The following RAD54L2 variants were observed in gnomAD, a reference collection of about 807,000 sequenced individuals.
RAD54L2 encodes helicase ARIP4.
A neutral mutation model predicts 138.4 loss-of-function variants in RAD54L2; 27 were observed. The observed-to-expected ratio is 0.20, with a 90% confidence interval of 0.14 to 0.27. The LOEUF (loss-of-function observed/expected upper bound fraction) is 0.27. RAD54L2 is among the 10% of genes least tolerant of loss of function. RAD54L2 has a pLI of 1.00. For missense variants in RAD54L2, 1,396 were observed against 1,890.2 expected, an observed-to-expected ratio of 0.74 and a Z score of 4.85; for synonymous variants, 644 against 723.2, an observed-to-expected ratio of 0.89 and a Z score of 1.76.
chr3:51,561,344 C>G (rs1481433705), intron 2 of RAD54L2, among the ~76,000 whole-genome samples: 1 of 152,130 alleles, frequency 6.6e-6, no homozygotes, highest in African/African-American at 2.4e-5. Flanking sequence ...CTCCTGGGTT[C>G]AAGTGATTCT....
At chr3:51,553,764 C>T (rs1015804449) in intron 2 of RAD54L2, among the ~76,000 whole-genome samples, 1 of 152,078 alleles carries the variant, frequency 6.6e-6, no homozygotes, top group Non-Finnish European at 1.5e-5. Flanking sequence ...CCCAGGAGTT[C>T]GAGTCAGCAG....
intron 3 of RAD54L2, among the ~76,000 whole-genome samples, chr3:51,601,301 T>G (rs1433001804): frequency 1.4e-5 from 2 of 139,000 alleles, no homozygotes; most frequent in Non-Finnish European, 3.1e-5. Context: ...CATGAACCAC[T>G]GCGCCCGGCT....
intron 8 of RAD54L2, 59 bp from the exon 9 acceptor site, chr3:51,633,843 T>G: frequency 6.2e-7 from 1 of 1,604,264 alleles, no homozygotes; most frequent in Non-Finnish European, 8.5e-7. Context: ...AAAAGCTTGA[T>G]GAGCTCAGCT....
At chr3:51,627,065 G>A (rs975338826) in intron 3 of RAD54L2, among the ~76,000 whole-genome samples, 1 of 152,140 alleles carries the variant, frequency 6.6e-6, no homozygotes, top group Admixed American at 6.5e-5. Context: ...ATCCCTTGAA[G>A]CGTCTAGGAT....
rs1701903413 is a variant in RAD54L2 at position 51,666,081 on chromosome 3, A to G, written c.*2661A>G. 1 of 148,948 alleles carries G rather than the reference A, an allele frequency of 6.7e-6. No homozygotes were observed. The highest frequency in any genetic ancestry group is 2.5e-5 in the African/African-American group (1 of 40,044). The allele number at this position is 148,948 out of a possible 1,614,324, so 9.2% of individuals were successfully genotyped here. ...TTCTGGGAGGCTGACCTGACTAGAGAAGGCTTTCTTTTATATGTGCAGTTT... is the reference window on the plus strand; with the variant it reads ...TTCTGGGAGGCTGACCTGACTAGAGGAGGCTTTCTTTTATATGTGCAGTTT... On this transcript the variant is annotated 3_prime_UTR_variant, in exon 23 of 23. Transcript: ENST00000684192.
In RAD54L2 at chr3:51,630,740, C is replaced by G. The variant is rs756600834; in HGVS notation, c.634C>G (p.Leu212Val). The change falls in exon 7 of 23, where the codon CTG (leucine) becomes GTG (valine). Residue 212 changes from leucine to valine, a missense_variant. Physicochemically the swap from Leu to Val is conservative, Grantham distance 32. Coordinates refer to ENST00000684192, the MANE Select transcript of RAD54L2 (RefSeq NM_015106.4). ...ACTGAGCTCTGGAGAGGAGGACACT[C>G]TGCACATTGTGGACAGCAGTGAATC... is the stretch of plus-strand genomic sequence containing the variant. ...IELSSGEEDT[L>V]HIVDSSESVS... The G allele has an allele frequency of 2.5e-6, 4 of 1,613,848 alleles. No homozygotes were observed. In the South Asian group the frequency reaches 3.3e-5, roughly 13 times the overall value.
chr3:51,609,586 G>A (rs1294754908), intron 3 of RAD54L2, among the ~76,000 whole-genome samples: 2 of 152,104 alleles, frequency 1.3e-5, no homozygotes, highest in African/African-American at 4.8e-5. Flanking sequence ...TTATTTCTTT[G>A]CCTCTTGTGC....
At chr3:51,602,215 C>G (rs566316269) in intron 3 of RAD54L2, among the ~76,000 whole-genome samples, 1 of 152,228 alleles carries the variant, frequency 6.6e-6, no homozygotes, top group East Asian at 1.9e-4. Flanking sequence ...TATGAACATT[C>G]ATGTACAAGT....
At chr3:51,621,186 A>T (rs1473722112) in intron 3 of RAD54L2, among the ~76,000 whole-genome samples, 2 of 152,236 alleles carry the variant, frequency 1.3e-5, no homozygotes, top group Non-Finnish European at 2.9e-5. Flanking sequence ...GAAGCACTTG[A>T]AAGACATGTA....
intron 2 of RAD54L2, among the ~76,000 whole-genome samples, chr3:51,582,207 C>T (rs1370808728): frequency 2.0e-5 from 3 of 152,118 alleles, no homozygotes; most frequent in Non-Finnish European, 4.4e-5. Flanking sequence ...TGTGCCTGGC[C>T]AGTAATCACC....
intron 3 of RAD54L2, among the ~76,000 whole-genome samples, chr3:51,591,922 C>T (rs1460194362): frequency 6.6e-6 from 1 of 152,002 alleles, no homozygotes; most frequent in Non-Finnish European, 1.5e-5. Context: ...TTCCCTTTTC[C>T]TTGTAAAATT....
At chr3:51,576,733 C>G (rs1424447954) in intron 2 of RAD54L2, among the ~76,000 whole-genome samples, 12 of 152,040 alleles carry the variant, frequency 7.9e-5, no homozygotes, top group Non-Finnish European at 1.8e-4. Context: ...TGATTCTTCT[C>G]TCTTTTCTTC....
At chr3:51,572,630 G>T (rs942410262) in intron 2 of RAD54L2, among the ~76,000 whole-genome samples, 10 of 150,914 alleles carry the variant, frequency 6.6e-5, no homozygotes, top group African/African-American at 1.2e-4. Flanking sequence ...AAAGTAAAAG[G>T]TGCTATAAAT....
At chr3:51,561,106 A>G (rs75603730) in intron 2 of RAD54L2, among the ~76,000 whole-genome samples, 5,446 of 152,216 alleles carry the variant, frequency 0.036, 700 homozygotes, top group East Asian at 0.33. Flanking sequence ...AGGTTGCCCT[A>G]TGTTCTTGGC....
rs550235552 is a variant in RAD54L2 at position 51,637,918 on chromosome 3, C to G, written c.1683-226C>G. On this transcript the variant is annotated intron_variant, in intron 11 of 22. Coordinates refer to ENST00000684192, the MANE Select transcript of RAD54L2 (RefSeq NM_015106.4). The surrounding 1 kb of genome is among the most constrained non-coding windows in gnomAD (Gnocchi z 5.9). The stretch of plus-strand genomic sequence containing the variant: ...AGTTCCCCTGTCTCTGTCATGCAGT[C>G]AGACTTGACCTGGGACAGGTCACTC... Among the ~76,000 whole-genome samples, 2 of 152,356 alleles carry G rather than the reference C, an allele frequency of 1.3e-5. 1 individual carries two copies. The highest frequency in any genetic ancestry group is 4.1e-4 in the South Asian group (2 of 4,826).
At chr3:51,656,755 A>G (rs562459426) in intron 20 of RAD54L2, among the ~76,000 whole-genome samples, 2 of 146,942 alleles carry the variant, frequency 1.4e-5, no homozygotes, top group Non-Finnish European at 3.0e-5. Flanking sequence ...ATTGATTATT[A>G]TTTTTTTTTT....
At chr3:51,545,225 T>C (rs1553672012) in intron 2 of RAD54L2, among the ~76,000 whole-genome samples, 1 of 151,838 alleles carries the variant, frequency 6.6e-6, no homozygotes, top group East Asian at 1.9e-4. Flanking sequence ...GGAGTCTTGC[T>C]CTGTCGCCCA....
At chr3:51,649,870 G>T (rs1452116330) in intron 19 of RAD54L2, among the ~76,000 whole-genome samples, 1 of 152,174 alleles carries the variant, frequency 6.6e-6, no homozygotes, top group African/African-American at 2.4e-5. Context: ...GGAAGAAACT[G>T]CATCAACTAA....
chr3:51,662,311 A>G lies in RAD54L2; in HGVS notation c.3410-115A>G, dbSNP rs1267866992. 3 of 964,220 alleles carry G rather than the reference A, an allele frequency of 3.1e-6. No individual in the cohort carries two copies. The highest frequency in any genetic ancestry group is 3.4e-5 in the African/African-American group (2 of 59,048). 59.7% of individuals were successfully genotyped at this position (964,220 alleles called of 1,614,324 possible). On this transcript the variant is annotated intron_variant, in intron 22 of 22. Coordinates refer to ENST00000684192, the MANE Select transcript of RAD54L2 (RefSeq NM_015106.4). This position sits in a 1 kb window ranked among gnomAD's most constrained non-coding sequence, Gnocchi z 4.6. ...ACTGGGTGATGTTGTTCAGACATCA[A>G]ACTATTAGAATTTTGGGGACTACAG... is the stretch of plus-strand genomic sequence containing the variant.
Sources: gnomAD v4.1 joint callset for allele counts (sites outside exome capture counted in the v4.1 genomes callset) on GRCh38, gnomAD v4.1.1 for gene constraint, Gnocchi (gnomAD v3.1) non-coding constraint, MANE v1.5 for transcripts, NCBI Gene and HGNC (gene_info 2026-07-23, HGNC 2026-07-21) for gene names.